Variants in DHRSX observed in about 807,000 individuals in gnomAD.
The protein encoded by DHRSX is polyprenol dehydrogenase.
Under a neutral mutation model 34.0 loss-of-function variants are expected in DHRSX, and 31 were observed. The ratio of observed to expected loss-of-function variants is 0.91; its 90% CI spans 0.69 to 1.23. The LOEUF (loss-of-function observed/expected upper bound fraction) is 1.23. Ranked by LOEUF, DHRSX falls within the 50% of genes most tolerant of loss-of-function variation. The probability of loss-of-function intolerance (pLI) is 0.00; values close to 1 mark genes in which losing one functional copy is unlikely to be tolerated. For missense variants in DHRSX, 414 were observed against 428.1 expected (o/e 0.97, Z 0.29); for synonymous variants, 201 against 183.8 (o/e 1.09, Z -0.76).
Position 2,405,381 on chromosome X carries a change from G to A in DHRSX, c.286+3364C>T, listed in dbSNP as rs185074517. 1.6e-3 allele frequency among the ~76,000 whole-genome samples: 240 copies of A among 152,116 alleles called. 3 individuals are homozygous for A. Among genetic ancestry groups the A allele is most frequent in the South Asian group, 0.012 (58 of 4,802 alleles). On this transcript the variant is annotated intron_variant, in intron 3 of 6. Transcript: ENST00000334651. The stretch of plus-strand genomic sequence containing the variant: ...TGGGCGCCTGTAATCCCAGCTACTC[G>A]GGAGGCTGAGGCAGGAGAATCGCTT...
intron 6 of DHRSX, among the ~76,000 whole-genome samples, chrX:2,224,681 CAT>C (rs1433085767): frequency 2.0e-5 from 3 of 152,100 alleles, no homozygotes; most frequent in Non-Finnish European, 4.4e-5. Flanking sequence ...TATGTACTCA[CAT>C]GCACACAAAT....
At chrX:2,413,029 T>C (rs2043650881) in intron 2 of DHRSX, among the ~76,000 whole-genome samples, 1 of 152,116 alleles carries the variant, frequency 6.6e-6, no homozygotes, top group African/African-American at 2.4e-5. Flanking sequence ...AGCCTGTCTC[T>C]ACTAAAAATA....
At chrX:2,415,359 T>G (rs183046629) in intron 2 of DHRSX, among the ~76,000 whole-genome samples, 2 of 151,784 alleles carry the variant, frequency 1.3e-5, no homozygotes, top group Non-Finnish European at 2.9e-5. Flanking sequence ...CTAGATCTCA[T>G]CATAACCTAA....
chrX:2,373,118 T>C (rs2043098975), intron 3 of DHRSX, among the ~76,000 whole-genome samples: 1 of 152,078 alleles, frequency 6.6e-6, no homozygotes, highest in African/African-American at 2.4e-5. Flanking sequence ...GCAGGCAAAA[T>C]GGCTCCTGTA....
At chrX:2,317,928 C>T (rs999181611) in intron 3 of DHRSX, among the ~76,000 whole-genome samples, 29 of 152,066 alleles carry the variant, frequency 1.9e-4, no homozygotes, top group African/African-American at 5.6e-4. Context: ...AGAAATTCAA[C>T]AGAACTCTGT....
At chrX:2,436,651 A>T (rs1269357957) in intron 1 of DHRSX, among the ~76,000 whole-genome samples, 1 of 150,132 alleles carries the variant, frequency 6.7e-6, no homozygotes, top group Admixed American at 6.6e-5. Context: ...GTGCCAGCAC[A>T]TCTGCCAGTT....
intron 6 of DHRSX, among the ~76,000 whole-genome samples, chrX:2,230,253 G>C (rs1403467356): frequency 3.3e-5 from 5 of 152,318 alleles, no homozygotes; most frequent in African/African-American, 1.2e-4. Context: ...ATGTGTACGT[G>C]CACACACGTG....
At chrX:2,228,630 C>G (rs1052274014) in intron 6 of DHRSX, among the ~76,000 whole-genome samples, 1 of 151,776 alleles carries the variant, frequency 6.6e-6, no homozygotes, top group African/African-American at 2.4e-5. Context: ...CCCTATTTGA[C>G]CAAATATCTG....
intron 1 of DHRSX, among the ~76,000 whole-genome samples, chrX:2,470,550 A>G (rs1337556078): frequency 6.7e-6 from 1 of 149,886 alleles, no homozygotes; most frequent in African/African-American, 2.4e-5. Flanking sequence ...TCTACAAAAA[A>G]TTTAAAAATT....
At chrX:2,252,188 T>C (rs2016449746) in intron 5 of DHRSX, among the ~76,000 whole-genome samples, 1 of 152,028 alleles carries the variant, frequency 6.6e-6, no homozygotes, top group Non-Finnish European at 1.5e-5. Context: ...AGTGAGCTGA[T>C]ACCACGCCAT....
intron 2 of DHRSX, among the ~76,000 whole-genome samples, chrX:2,410,157 C>T (rs2043607774): frequency 6.6e-6 from 1 of 152,088 alleles, no homozygotes; most frequent in East Asian, 1.9e-4. Context: ...TCTGAAGGGG[C>T]GGCTCTTTAG....
chrX:2,220,764 T>C lies in DHRSX; in HGVS notation c.*277A>G. The C allele has an allele frequency of 2.2e-6, 1 of 446,670 alleles. No individual in the cohort carries two copies. The highest frequency in any genetic ancestry group is 4.0e-6 in the Non-Finnish European group (1 of 252,818). 27.7% of individuals were successfully genotyped at this position (446,670 alleles called of 1,614,324 possible). A position where few individuals can be genotyped will look rare whatever the true frequency, so the allele number is the denominator to read the frequency against. On this transcript the variant is annotated 3_prime_UTR_variant, in exon 7 of 7. Transcript: ENST00000334651. Reference sequence around the variant, plus strand: ...CGCGGCAAGGAAAATGGCACATTTATGTTGGAAAATGTAATTATTTATGGC... The same window carrying C: ...CGCGGCAAGGAAAATGGCACATTTACGTTGGAAAATGTAATTATTTATGGC...
intron 3 of DHRSX, among the ~76,000 whole-genome samples, chrX:2,316,126 T>A (rs1000141877): frequency 1.3e-5 from 2 of 152,114 alleles, no homozygotes; most frequent in Admixed American, 1.3e-4. Context: ...CCTCCAAAAG[T>A]GCTGGGATAA....
intron 1 of DHRSX, among the ~76,000 whole-genome samples, chrX:2,486,114 G>A (rs2044921926): frequency 6.6e-6 from 1 of 152,002 alleles, no homozygotes; most frequent in Non-Finnish European, 1.5e-5. Flanking sequence ...TGGGGCCTCC[G>A]TTTATACAAC....
intron 1 of DHRSX, among the ~76,000 whole-genome samples, chrX:2,475,232 C>T (rs942327500): frequency 6.8e-4 from 103 of 150,620 alleles, no homozygotes; most frequent in Non-Finnish European, 1.2e-3. Context: ...TGAAGACGTT[C>T]CCCTAGGCAT....
At chrX:2,472,484 T>C (rs2044608451) in intron 1 of DHRSX, among the ~76,000 whole-genome samples, 1 of 151,952 alleles carries the variant, frequency 6.6e-6, no homozygotes. Flanking sequence ...ACCTGAAAGT[T>C]TAAAAAGTAG....
At position 2,374,670 on chromosome X, in the gene DHRSX, C is replaced by T. The variant is rs776674296; in HGVS notation, c.286+34075G>A. Among the ~76,000 whole-genome samples, 8 of 136,936 alleles carry T rather than the reference C, an allele frequency of 5.8e-5. 2 individuals are homozygous for T. The highest frequency in any genetic ancestry group is 2.2e-4 in the Admixed American group (3 of 13,736). The allele number at this position is 136,936 out of a possible 152,430, so 89.8% of individuals were successfully genotyped here. On this transcript the variant is annotated intron_variant, in intron 3 of 6. Transcript: ENST00000334651. ...AGGAGAATTGCTGGAACCCGGGAGG[C>T]GGAGGTTGCAGTGAGCCGAGATCAC...
chrX:2,475,124 AC>A (rs773124695), intron 1 of DHRSX, among the ~76,000 whole-genome samples: 24,040 of 137,986 alleles, frequency 0.17, 3,236 homozygotes, highest in African/African-American at 0.36. Flanking sequence ...CAACCAAGGG[AC>A]CACTGCTGTG....
At chrX:2,275,165 CAA>C (rs1196991993) in intron 4 of DHRSX, among the ~76,000 whole-genome samples, 19 of 151,590 alleles carry the variant, frequency 1.3e-4, no homozygotes, top group Non-Finnish European at 2.4e-4. Flanking sequence ...TTATTTTTGT[CAA>C]GTTATTATTT....
Sources: gnomAD v4.1 joint callset for allele counts (sites outside exome capture counted in the v4.1 genomes callset) on GRCh38, gnomAD v4.1.1 for gene constraint, MANE v1.5 for transcripts, NCBI Gene and HGNC (gene_info 2026-07-23, HGNC 2026-07-21) for gene names.